The following GSE1 variants were observed in gnomAD, a reference collection of about 807,000 sequenced individuals.
GSE1 encodes the protein genetic suppressor element 1.
Under a neutral mutation model 112.6 loss-of-function variants are expected in GSE1, and 32 were observed. That is an observed-to-expected ratio of 0.28 (90% CI 0.21 to 0.38). The LOEUF is 0.38. GSE1 is among the 10% of genes least tolerant of loss of function. GSE1 has a pLI of 1.00. For synonymous variants in GSE1, 1,115 were observed against 735.6 expected, an observed-to-expected ratio of 1.52 and a Z score of -8.35; for missense variants, 2,348 against 1,699.2, an observed-to-expected ratio of 1.38 and a Z score of -6.71.
intron 1 of GSE1, among the ~76,000 whole-genome samples, chr16:85,217,807 C>G (rs11649660): frequency 0.19 from 28,850 of 152,116 alleles, 2,888 homozygotes; most frequent in South Asian, 0.35. Context: ...CTCCTGCCTC[C>G]TCCTCGAAGC....
At chr16:85,246,200 T>TACACACACACACACACAC (rs545313239) in intron 1 of GSE1, among the ~76,000 whole-genome samples, 1 of 89,054 alleles carries the variant, frequency 1.1e-5, no homozygotes, top group African/African-American at 5.0e-5. Context: ...TCAGGGACCC[T>TACACACACACACACACAC]ACACACACAC....
At chr16:85,313,289 C>T (rs958663323) in intron 1 of GSE1, among the ~76,000 whole-genome samples, 2 of 152,126 alleles carry the variant, frequency 1.3e-5, no homozygotes, top group Non-Finnish European at 2.9e-5. Flanking sequence ...TGGGCAGACC[C>T]CCTTGTCCTG....
At chr16:85,382,980 CGCACACAT>C (rs913322917) in intron 2 of GSE1, among the ~76,000 whole-genome samples, 13 of 147,464 alleles carry the variant, frequency 8.8e-5, no homozygotes, top group African/African-American at 3.5e-4. Context: ...CACGCTCACA[CGCACACAT>C]GTGCACATAC....
At chr16:85,348,358 A>T (rs1238882503) in intron 1 of GSE1, among the ~76,000 whole-genome samples, 1 of 151,838 alleles carries the variant, frequency 6.6e-6, no homozygotes, top group Non-Finnish European at 1.5e-5. Context: ...CAGTCCATCA[A>T]CCCATCCAGT....
rs1044988820 is a variant in GSE1 at position 85,675,002 on chromosome 16, G to A, written c.*2463G>A. 7 of 152,480 alleles carry A rather than the reference G, an allele frequency of 4.6e-5. No homozygotes were observed. The South Asian group carries it at 6.2e-4, about 14-fold the overall frequency. The allele number at this position is 152,480 out of a possible 1,614,324, so 9.4% of individuals were successfully genotyped here. A position where few individuals can be genotyped will look rare whatever the true frequency, so the allele number is the denominator to read the frequency against. ...AAAAGGTAAGAACTGTCTCAAAAAC[G>A]AAAGCACACCACCCAAGACACAGTA... On this transcript the variant is annotated 3_prime_UTR_variant, in exon 16 of 16. Transcript: ENST00000253458.
chr16:85,186,004 A>T (rs1294254844), intron 1 of GSE1, among the ~76,000 whole-genome samples: 1 of 152,148 alleles, frequency 6.6e-6, no homozygotes, highest in Non-Finnish European at 1.5e-5. Context: ...GTGCCAGATG[A>T]GAGTAGATGG....
Position 85,661,474 on chromosome 16 carries a change from CGA to C in GSE1, c.1973_1974del (p.Glu658GlyfsTer19), listed in dbSNP as rs2052425676. 1 of 1,611,666 alleles carries C rather than the reference CGA, an allele frequency of 6.2e-7. No individual in the cohort carries two copies. The highest frequency in any genetic ancestry group is 8.5e-7 in the Non-Finnish European group (1 of 1,179,444). On this transcript the variant is annotated frameshift_variant, in exon 9 of 16. Coordinates refer to ENST00000253458, the MANE Select transcript of GSE1 (RefSeq NM_014615.5). LOFTEE classifies it high-confidence loss of function. The stretch of plus-strand genomic sequence containing the variant: ...GTACCAGCCACCTCCGCCGCCACCA[CGA>C]GAGGGAGGGAGCCTGGAGCACCAGC... ...DKYQPPPPPP[R>X]EGGSLEHQPF...
intron 1 of GSE1, among the ~76,000 whole-genome samples, chr16:85,623,770 C>T (rs2048888135): frequency 6.6e-6 from 1 of 152,196 alleles, no homozygotes; most frequent in Non-Finnish European, 1.5e-5. Flanking sequence ...AGACCCTGGA[C>T]CCCTCTTCGA....
intron 2 of GSE1, among the ~76,000 whole-genome samples, chr16:85,522,777 G>A (rs1026091760): frequency 1.3e-5 from 2 of 152,088 alleles, no homozygotes; most frequent in Admixed American, 1.3e-4. Context: ...GTGTAAATGG[G>A]TGTGTGCATG....
At chr16:85,652,107 G>GGTGCGTCCCCCACATGCCC (rs2151899763) in intron 3 of GSE1, among the ~76,000 whole-genome samples, 1 of 152,360 alleles carries the variant, frequency 6.6e-6, no homozygotes, top group East Asian at 1.9e-4. Context: ...CCACCCTGCT[G>GGTGCGTCCCCCACATGCCC]GTGCGTCCCC....
intron 2 of GSE1, among the ~76,000 whole-genome samples, chr16:85,457,583 G>C (rs1350359610): frequency 5.3e-5 from 8 of 152,232 alleles, no homozygotes; most frequent in Non-Finnish European, 8.8e-5. Context: ...GCAAGGGCTG[G>C]ACGGGCTCCT....
At chr16:85,416,358 G>T (rs2048702069) in intron 2 of GSE1, among the ~76,000 whole-genome samples, 1 of 152,132 alleles carries the variant, frequency 6.6e-6, no homozygotes, top group Non-Finnish European at 1.5e-5. Context: ...GTATAATTCT[G>T]CTCTGTGGGG....
At chr16:85,257,363 G>A (rs897869158) in intron 1 of GSE1, among the ~76,000 whole-genome samples, 8 of 152,022 alleles carry the variant, frequency 5.3e-5, no homozygotes, top group African/African-American at 1.9e-4. Flanking sequence ...CTCCTGCCTC[G>A]GCCTCCCAAA....
chr16:85,557,194 C>A (rs950625331), intron 1 of GSE1, among the ~76,000 whole-genome samples: 1 of 152,184 alleles, frequency 6.6e-6, no homozygotes, highest in African/African-American at 2.4e-5. Flanking sequence ...AGGGTTCTTC[C>A]CCACCGCGCG....
At chr16:85,477,261 G>A (rs12919530) in intron 2 of GSE1, among the ~76,000 whole-genome samples, 1 of 152,220 alleles carries the variant, frequency 6.6e-6, no homozygotes, top group Non-Finnish European at 1.5e-5. Flanking sequence ...GTGGGCTTTG[G>A]CTCCACAGCC....
intron 1 of GSE1, among the ~76,000 whole-genome samples, chr16:85,219,664 C>T (rs1329391101): frequency 1.3e-5 from 2 of 152,234 alleles, no homozygotes; most frequent in Non-Finnish European, 2.9e-5. Flanking sequence ...CATATCATGT[C>T]CTCTGCCTCC....
At chr16:85,555,376 C>T, upstream of GSE1, 2 of 983,834 alleles carry the variant, frequency 2.0e-6, no homozygotes, top group Non-Finnish European at 1.2e-6. Flanking sequence ...GACGCCGGGC[C>T]AGGGAGATAA....
In GSE1 at chr16:85,198,128, G is replaced by T. The variant is rs141742994; in HGVS notation, c.2283+26321G>T. On this transcript the variant is annotated intron_variant, in intron 1 of 2. Transcript: ENST00000637419. ...AGGCTGGGAGTCAGCCTCTATGTGGGTGGCAGAAGGGAAGGAAGATCAGAA... is the reference window on the plus strand; with the variant it reads ...AGGCTGGGAGTCAGCCTCTATGTGGTTGGCAGAAGGGAAGGAAGATCAGAA... Among the ~76,000 whole-genome samples the T allele has an allele frequency of 5.7e-3, 867 of 152,238 alleles. 8 individuals are homozygous for T. The highest frequency in any genetic ancestry group is 0.018 in the African/African-American group (728 of 41,526).
chr16:85,290,263 AGCAG>A (rs2045169009), intron 1 of GSE1, among the ~76,000 whole-genome samples: 1 of 152,178 alleles, frequency 6.6e-6, no homozygotes, highest in African/African-American at 2.4e-5. Flanking sequence ...GCCCTGCCTC[AGCAG>A]ACCCGGGCCC....
Sources: allele counts gnomAD v4.1 joint callset (sites outside exome capture counted in the v4.1 genomes callset), GRCh38; gene constraint gnomAD v4.1.1; transcripts MANE v1.5; gene names NCBI Gene and HGNC (gene_info 2026-07-23, HGNC 2026-07-21).